USP9X: variants seen among roughly 807,000 people sequenced by gnomAD.
USP9X encodes ubiquitin carboxyl-terminal hydrolase 9X.
Under a neutral mutation model 190.3 loss-of-function variants are expected in USP9X, and 7 were observed. That is an observed-to-expected ratio of 0.04 (90% CI 0.02 to 0.07). The LOEUF (loss-of-function observed/expected upper bound fraction) is 0.07, where lower values mean the gene tolerates loss of function less well. Ranked by LOEUF, USP9X falls within the 10% of genes least tolerant of loss-of-function variation. The probability of loss-of-function intolerance (pLI) is 1.00; values close to 1 mark genes in which losing one functional copy is unlikely to be tolerated. For missense variants in USP9X, 1,010 were observed against 1,916.9 expected (o/e 0.53, Z 8.83); for synonymous variants, 645 against 659.5 (o/e 0.98, Z 0.34).
At chrX:41,170,769 T>A in intron 20 of USP9X, 150 bp downstream of exon 20, 1 of 517,361 alleles carries the variant, frequency 1.9e-6, no homozygotes, top group Non-Finnish European at 3.0e-6. Context: ...TCAGAATGGA[T>A]CCCTCTAAAA....
At chrX:41,121,733 C>G (rs1047985327) in intron 1 of USP9X, among the ~76,000 whole-genome samples, 1 of 111,245 alleles carries the variant, frequency 9.0e-6, no homozygotes, top group African/African-American at 3.3e-5. Flanking sequence ...TTGCAAAGTT[C>G]TGATGCCTAG....
At chrX:41,225,008 T>G in intron 40 of USP9X, 41 bp from the exon 41 acceptor site, 1 of 1,208,709 alleles carries the variant, frequency 8.3e-7, no homozygotes, top group Non-Finnish European at 1.1e-6. Context: ...GATTTGTTAT[T>G]CCTTTCATTA....
At chrX:41,147,788 C>T (rs903870975) in intron 11 of USP9X, among the ~76,000 whole-genome samples, 4 of 111,952 alleles carry the variant, frequency 3.6e-5, no homozygotes, top group Non-Finnish European at 7.5e-5. Flanking sequence ...ACGTTAAGTT[C>T]GTTTCAGTTT....
intron 16 of USP9X, chrX:41,167,279 A>G (rs1273370370): frequency 3.5e-6 from 1 of 288,287 alleles, no homozygotes; most frequent in African/African-American, 2.8e-5. Flanking sequence ...TCATTCTTAA[A>G]TTATTCAGAG....
intron 1 of USP9X, among the ~76,000 whole-genome samples, chrX:41,094,365 G>C (rs899908394): frequency 4.6e-5 from 5 of 108,750 alleles, no homozygotes; most frequent in Admixed American, 3.9e-4. Flanking sequence ...TAGTAGAGAT[G>C]GGGTTTCACC....
At chrX:41,202,792 G>T (rs981322519) in intron 31 of USP9X, among the ~76,000 whole-genome samples, 1 of 112,041 alleles carries the variant, frequency 8.9e-6, no homozygotes, top group Non-Finnish European at 1.9e-5. Flanking sequence ...TTAAACACAA[G>T]TAGATATAGG....
intron 31 of USP9X, among the ~76,000 whole-genome samples, chrX:41,203,130 A>G (rs1428984344): frequency 8.9e-6 from 1 of 111,938 alleles, no homozygotes; most frequent in Non-Finnish European, 1.9e-5. Flanking sequence ...TATGACCTTT[A>G]GGAATTCTGT....
intron 32 of USP9X, among the ~76,000 whole-genome samples, chrX:41,205,761 A>G (rs1344305547): frequency 1.8e-5 from 2 of 110,328 alleles, no homozygotes; most frequent in African/African-American, 3.3e-5. Flanking sequence ...TAAATACAGA[A>G]GTAGAAAAAA....
chrX:41,184,924 A>C (rs1447990158), intron 23 of USP9X, among the ~76,000 whole-genome samples: 25 of 111,715 alleles, frequency 2.2e-4, no homozygotes. Context: ...CCTAACAAAA[A>C]CTCCATATGA....
At chrX:41,198,393 A>G (rs2063008749) in intron 29 of USP9X, 135 bp from the exon 30 acceptor site, 5 of 324,309 alleles carry the variant, frequency 1.5e-5, no homozygotes, top group Non-Finnish European at 2.5e-5. Context: ...TTTATTAGAA[A>G]ATCTGAGTTT....
chrX:41,186,688 C>T lies in USP9X; in HGVS notation c.3684+46C>T, dbSNP rs778413838. 3.4e-6 allele frequency: 4 copies of T among 1,187,234 alleles called. No homozygotes were observed. The South Asian group carries it at 5.5e-5, about 16-fold the overall frequency. ...TGTCACAATTTTAACTTTCCTAGGC[C>T]CACTTATTTTAATCACTGTCTCATT... On this transcript the variant is annotated intron_variant, in intron 24 of 44. Transcript: ENST00000378308.
At chrX:41,165,283 C>T (rs750282380) in intron 15 of USP9X, among the ~76,000 whole-genome samples, 2 of 111,781 alleles carry the variant, frequency 1.8e-5, no homozygotes, top group Non-Finnish European at 3.8e-5. Flanking sequence ...TGGAGTGCAG[C>T]GGCACAGTCT....
At position 41,217,258 on chromosome X, in the gene USP9X, A is replaced by G; in HGVS notation, c.6124A>G (p.Met2042Val). Residue 2042 changes from methionine to valine, a missense_variant, in exon 36 of 45, where the codon ATG becomes GTG. By Grantham distance (21) the Met-to-Val change is conservative. Around this residue, in one of 11 missense-constraint regions of USP9X, gnomAD observed 121 missense variants for 281.2 expected, o/e 0.43. Coordinates refer to ENST00000378308, the MANE Select transcript of USP9X (RefSeq NM_001039591.3). Reference protein sequence around the residue: ...HLLPEAEEITMISIQLAARFL... With the variant: ...HLLPEAEEITVISIQLAARFL... ...GTTGCCTGAAGCAGAAGAAATCACTATGATCAGTATTCAACTTGCTGCTAG... is the reference window on the plus strand; with the variant it reads ...GTTGCCTGAAGCAGAAGAAATCACTGTGATCAGTATTCAACTTGCTGCTAG... 2 of 1,209,422 alleles carry G rather than the reference A, an allele frequency of 1.7e-6. No individual in the cohort carries two copies. Among genetic ancestry groups the G allele is most frequent in the Non-Finnish European group, 2.2e-6 (2 of 894,298 alleles).
At chrX:41,138,397 G>A (rs1489114815) in intron 6 of USP9X, among the ~76,000 whole-genome samples, 7 of 112,135 alleles carry the variant, frequency 6.2e-5, no homozygotes, top group Non-Finnish European at 1.3e-4. Flanking sequence ...CTTAGTCGAT[G>A]GAGATAAACT....
chrX:41,121,614 A>G (rs1199926444), intron 1 of USP9X, among the ~76,000 whole-genome samples: 2 of 111,673 alleles, frequency 1.8e-5, no homozygotes, highest in Admixed American at 9.5e-5. Context: ...AAACTTTGCA[A>G]TGCTTGTGGG....
In USP9X at chrX:41,235,392, TTTAG is replaced by T. The variant is rs1299640549; in HGVS notation, c.*2871_*2874del. ...AAGTCTTCAAAGTGCCTAAGGATTA[TTTAG>T]TTCTCCCTCAACTGATTTTTTGAGC... is the stretch of plus-strand genomic sequence containing the variant. On this transcript the variant is annotated 3_prime_UTR_variant, in exon 45 of 45. Coordinates refer to ENST00000378308, the MANE Select transcript of USP9X (RefSeq NM_001039591.3). 8.9e-6 allele frequency: 1 copy of T among 112,928 alleles called. No individual in the cohort carries two copies. The highest frequency in any genetic ancestry group is 3.2e-5 in the African/African-American group (1 of 31,034). The allele number at this position is 112,928 out of a possible 1,213,427, so 9.3% of individuals were successfully genotyped here.
At chrX:41,195,794 C>G in intron 26 of USP9X, 1 of 272,647 alleles carries the variant, frequency 3.7e-6, no homozygotes, top group Non-Finnish European at 6.9e-6. Flanking sequence ...ATTTGGCCTT[C>G]TGGCCTGGGG....
intron 28 of USP9X, 30 bp from the exon 29 acceptor site, chrX:41,197,334 C>CT: frequency 1.1e-5 from 3 of 275,758 alleles, no homozygotes; most frequent in Non-Finnish European, 1.1e-5. Context: ...GATTTCTTCC[C>CT]CCCCCCACCC....
chrX:41,153,396 G>T, intron 14 of USP9X, among the ~76,000 whole-genome samples: 1 of 111,604 alleles, frequency 9.0e-6, no homozygotes, highest in Middle Eastern at 4.7e-3. Context: ...ACCACCTTTA[G>T]CTTTTTAAAA....
Sources: allele counts gnomAD v4.1 joint callset (sites outside exome capture counted in the v4.1 genomes callset), GRCh38; gene constraint gnomAD v4.1.1; regional missense constraint gnomAD v4.1.1; transcripts MANE v1.5; gene names NCBI Gene and HGNC (gene_info 2026-07-23, HGNC 2026-07-21).